Variants in ATL1 observed in about 807,000 individuals in gnomAD.
The protein encoded by ATL1 is atlastin-1.
ATL1 carries 31 observed loss-of-function variants against 75.5 expected under a neutral mutation model. The ratio of observed to expected loss-of-function variants is 0.41; its 90% CI spans 0.31 to 0.55. The LOEUF is 0.55. ATL1 is among the 20% of genes least tolerant of loss of function. The pLI, the probability that ATL1 is intolerant of heterozygous loss-of-function variation, is 0.27. For synonymous variants in ATL1, 226 were observed against 233.3 expected (o/e 0.97, Z 0.28); for missense variants, 405 against 662.6 (o/e 0.61, Z 4.27).
intron 1 of ATL1, among the ~76,000 whole-genome samples, chr14:50,576,430 A>G (rs912423590): frequency 1.3e-5 from 2 of 152,134 alleles, no homozygotes; most frequent in African/African-American, 4.8e-5. Flanking sequence ...CATCTGGTTT[A>G]CTTCTGACCT....
intron 4 of ATL1, among the ~76,000 whole-genome samples, chr14:50,592,929 A>AAT (rs1555364084): frequency 0.26 from 29,025 of 112,568 alleles, 4,315 homozygotes; most frequent in Non-Finnish European, 0.33. Context: ...AAAAAAAAAA[A>AAT]ATATATATAT....
At chr14:50,585,958 C>G (rs1003799663) in intron 1 of ATL1, among the ~76,000 whole-genome samples, 1 of 152,128 alleles carries the variant, frequency 6.6e-6, no homozygotes, top group African/African-American at 2.4e-5. Flanking sequence ...ATACTTATCT[C>G]TACTCATGCA....
At chr14:50,555,792 A>G (rs1038133208), upstream of ATL1, among the ~76,000 whole-genome samples, 1 of 152,224 alleles carries the variant, frequency 6.6e-6, no homozygotes, top group African/African-American at 2.4e-5. Context: ...AAATTGTTGC[A>G]TGAAAGTAAA....
At chr14:50,599,851 T>C (rs538651199) in intron 6 of ATL1, among the ~76,000 whole-genome samples, 13 of 152,140 alleles carry the variant, frequency 8.5e-5, no homozygotes, top group Middle Eastern at 3.4e-3. Context: ...AGAGATGATG[T>C]ATGCTGTGAT....
intron 1 of ATL1, among the ~76,000 whole-genome samples, chr14:50,565,410 A>G (rs979602710): frequency 1.3e-5 from 2 of 150,828 alleles, no homozygotes; most frequent in Non-Finnish European, 3.0e-5. Flanking sequence ...ACTTGAACCC[A>G]GGAGGTAGAG....
Position 50,552,165 on chromosome 14 carries a change from G to A in ATL1, c.-139-7962G>A, listed in dbSNP as rs577364132. ...TGATAAATGAGTTCAGTAAAGTTTCGGGATACAAAATCAATGTACACAAAT... is the reference window on the plus strand; with the variant it reads ...TGATAAATGAGTTCAGTAAAGTTTCAGGATACAAAATCAATGTACACAAAT... On this transcript the variant is annotated intron_variant, in intron 1 of 13. Transcript: ENST00000441560. Among the ~76,000 whole-genome samples the A allele has an allele frequency of 2.7e-3, 407 of 152,026 alleles. 2 individuals are homozygous for A. The highest frequency in any genetic ancestry group is 4.8e-3 in the Non-Finnish European group (327 of 67,974).
In ATL1 at chr14:50,608,437, T is replaced by A. The variant is rs1162169138; in HGVS notation, c.631-4822T>A. Among the ~76,000 whole-genome samples, 3 of 151,310 alleles carry A rather than the reference T, an allele frequency of 2.0e-5. No individual in the cohort carries two copies. The East Asian group carries it at 5.9e-4, about 30-fold the overall frequency. On this transcript the variant is annotated intron_variant, in intron 6 of 13. Coordinates refer to ENST00000358385, the MANE Select transcript of ATL1 (RefSeq NM_015915.5). ...TTGGAATCAGCCATGATGGGTATAT[T>A]TACACCACAGAAATTGGCAAATGCT...
intron 11 of ATL1, among the ~76,000 whole-genome samples, chr14:50,626,025 C>T (rs984142170): frequency 6.6e-6 from 1 of 152,204 alleles, no homozygotes; most frequent in Non-Finnish European, 1.5e-5. Context: ...TTTAAGCCCA[C>T]TGTTCAGACC....
chr14:50,560,315 G>C lies in ATL1; in HGVS notation c.34+16G>C, dbSNP rs368925590. On this transcript the variant is annotated intron_variant, in intron 1 of 13. Coordinates refer to ENST00000358385, the MANE Select transcript of ATL1 (RefSeq NM_015915.5). ...AACAGTTGGGGTGAGTAGCAAATGA[G>C]AACTTCTGCAGCCTGCACGGGGTCT... 1 of 1,613,646 alleles carries C rather than the reference G, an allele frequency of 6.2e-7. No homozygotes were observed. Among genetic ancestry groups the C allele is most frequent in the Admixed American group, 1.7e-5 (1 of 59,960 alleles).
chr14:50,579,765 T>C (rs982171512), intron 1 of ATL1, among the ~76,000 whole-genome samples: 1 of 152,196 alleles, frequency 6.6e-6, no homozygotes, highest in Admixed American at 6.5e-5. Flanking sequence ...CGGGTACATC[T>C]CTTCCTGGCT....
rs201856408 is a variant in ATL1 at position 50,621,006 on chromosome 14, AG to A, written c.990+281del. On this transcript the variant is annotated intron_variant, in intron 9 of 13. Coordinates refer to ENST00000358385, the MANE Select transcript of ATL1 (RefSeq NM_015915.5). The stretch of plus-strand genomic sequence containing the variant: ...GAAATATGAATGTAAGAGTTGGAAA[AG>A]TCTTTTGGGGGGATGGGGTGTTTCC... 8.2e-3 allele frequency among the ~76,000 whole-genome samples: 1,241 copies of A among 152,220 alleles called. 26 individuals carry two copies. Among genetic ancestry groups the A allele is most frequent in the African/African-American group, 0.028 (1,160 of 41,536 alleles).
intron 1 of ATL1, among the ~76,000 whole-genome samples, chr14:50,585,709 G>A (rs1227260297): frequency 6.6e-6 from 1 of 152,176 alleles, no homozygotes; most frequent in Non-Finnish European, 1.5e-5. Context: ...ATGGAGCATA[G>A]TGAGCCATTG....
upstream of ATL1, chr14:50,559,587 G>A (rs971608098): frequency 4.6e-5 from 7 of 152,150 alleles, no homozygotes; most frequent in African/African-American, 1.7e-4. Flanking sequence ...TTACCCAGTG[G>A]ATATTGAGTT....
At chr14:50,542,278 G>T (rs961893262) in intron 1 of ATL1, among the ~76,000 whole-genome samples, 5 of 144,778 alleles carry the variant, frequency 3.5e-5, no homozygotes, top group African/African-American at 1.3e-4. Flanking sequence ...CCGGGGGCCT[G>T]TGGTGTCGGG....
At chr14:50,549,449 T>G (rs2038674895) in intron 1 of ATL1, among the ~76,000 whole-genome samples, 1 of 151,924 alleles carries the variant, frequency 6.6e-6, no homozygotes. Context: ...CCATACAACC[T>G]CCACAGGACT....
rs1418926024 is a variant in ATL1 at position 50,592,944 on chromosome 14, A to ATG, written c.523-901_523-900insGT. 6.2e-3 allele frequency among the ~76,000 whole-genome samples: 811 copies of ATG among 131,160 alleles called. 4 individuals carry two copies. The highest frequency in any genetic ancestry group is 9.0e-3 in the Non-Finnish European group (574 of 63,778). The allele number at this position is 131,160 out of a possible 152,430, so 86.0% of individuals were successfully genotyped here. A position where few individuals can be genotyped will look rare whatever the true frequency, so the allele number is the denominator to read the frequency against. On this transcript the variant is annotated intron_variant, in intron 4 of 13. Transcript: ENST00000358385. ...AAAAAAAAAAAATATATATATATAT[A>ATG]TATGTGTGTGTGTGTGTGTGTAAAT...
At chr14:50,630,161 A>C (rs1359605580) in intron 13 of ATL1, 152 bp downstream of exon 13, 1 of 523,218 alleles carries the variant, frequency 1.9e-6, no homozygotes, top group East Asian at 3.3e-5. Context: ...GTGAATTTTT[A>C]ACATGGTCTT....
chr14:50,563,894 G>A (rs2038875781), intron 1 of ATL1, among the ~76,000 whole-genome samples: 1 of 152,088 alleles, frequency 6.6e-6, no homozygotes, highest in Admixed American at 6.6e-5. Flanking sequence ...TCATTTGAAT[G>A]TATAAGAGAT....
At position 50,587,907 on chromosome 14, in the gene ATL1, C is replaced by T. The variant is rs2039117796; in HGVS notation, c.111C>T (p.Val37=). 1 of 1,614,076 alleles carries T rather than the reference C, an allele frequency of 6.2e-7. No individual in the cohort carries two copies. Among genetic ancestry groups the T allele is most frequent in the Non-Finnish European group, 8.5e-7 (1 of 1,180,012 alleles). ...TGAAAAAGGCAGGACCAGTCCAAGT[C>T]CTCATTGTCAAAGATGACCATTCCT... ...EPVKKAGPVQ[V]LIVKDDHSFE... Residue 37 remains valine (V), a synonymous_variant, in exon 2 of 14, where the codon GTC becomes GTT. Transcript: ENST00000358385.
Sources: allele counts gnomAD v4.1 joint callset (sites outside exome capture counted in the v4.1 genomes callset), GRCh38; gene constraint gnomAD v4.1.1; transcripts MANE v1.5; gene names NCBI Gene and HGNC (gene_info 2026-07-23, HGNC 2026-07-21).